ZSCAN26: variants seen among roughly 807,000 people sequenced by gnomAD.
ZSCAN26 encodes the protein zinc finger and SCAN domain containing 26.
Under a neutral mutation model 23.0 loss-of-function variants are expected in ZSCAN26, and 26 were observed. The ratio of observed to expected loss-of-function variants is 1.13; its 90% confidence interval spans 0.83 to 1.57. ZSCAN26 has a LOEUF of 1.57. Among genes scored for constraint, ZSCAN26 ranks in the 40% most tolerant of loss-of-function variants. The probability of loss-of-function intolerance (pLI) is 0.00; values close to 1 mark genes in which losing one functional copy is unlikely to be tolerated. For missense variants in ZSCAN26, 528 were observed against 568.5 expected (o/e 0.93, Z 0.72); for synonymous variants, 180 against 202.5 (o/e 0.89, Z 0.94).
Position 28,277,127 on chromosome 6 carries a change from G to A in ZSCAN26, c.*31G>A. On this transcript the variant is annotated 3_prime_UTR_variant, in exon 4 of 4. Transcript: ENST00000421553. The stretch of plus-strand genomic sequence containing the variant: ...TGTTCTCTCCTTGTAGAACATCAGA[G>A]AAGGCACATTGACTAGCAAACAGCA... The A allele has an allele frequency of 6.3e-7, 1 of 1,586,166 alleles. No individual in the cohort carries two copies. The highest frequency in any genetic ancestry group is 8.6e-7 in the Non-Finnish European group (1 of 1,168,530).
At chr6:28,271,211 A>G (rs1435948186) in intron 1 of ZSCAN26, among the ~76,000 whole-genome samples, 2 of 151,934 alleles carry the variant, frequency 1.3e-5, no homozygotes, top group African/African-American at 2.4e-5. Context: ...TGTTTCTTAC[A>G]TGTAGATGTT....
chr6:28,276,715 C>T lies in ZSCAN26; in HGVS notation c.1059C>T (p.His353=). Residue 353 remains histidine (H), a synonymous_variant, in exon 4 of 4, where the codon CAC becomes CAT. Coordinates refer to ENST00000421553, the MANE Select transcript of ZSCAN26 (RefSeq NM_001023560.4). ...HCGKNFRRSS[H]LNRHQRIHSQ... ...GAAAAAATTTTAGGCGCAGCTCTCACCTTAATCGACATCAGAGAATTCACA... is the reference window on the plus strand; with the variant it reads ...GAAAAAATTTTAGGCGCAGCTCTCATCTTAATCGACATCAGAGAATTCACA... The T allele has an allele frequency of 6.2e-7, 1 of 1,613,386 alleles. No individual in the cohort carries two copies. The highest frequency in any genetic ancestry group is 1.1e-5 in the South Asian group (1 of 90,932).
intron 3 of ZSCAN26, among the ~76,000 whole-genome samples, chr6:28,273,259 G>A (rs781350696): frequency 1.1e-4 from 17 of 152,188 alleles, no homozygotes; most frequent in South Asian, 6.2e-4. Context: ...AAAGCAAATA[G>A]TGGCCAGGCA....
intron 3 of ZSCAN26, among the ~76,000 whole-genome samples, chr6:28,273,795 A>G (rs1321018811): frequency 2.0e-5 from 3 of 151,290 alleles, no homozygotes; most frequent in Admixed American, 6.6e-5. Context: ...ATAGCTCACT[A>G]CAGCCTTGAC....
Position 28,276,792 on chromosome 6 carries a change from C to G in ZSCAN26, c.1136C>G (p.Ala379Gly), listed in dbSNP as rs1040705439. 3.7e-6 allele frequency: 6 copies of G among 1,613,812 alleles called. No individual in the cohort carries two copies. The highest frequency in any genetic ancestry group is 1.3e-5 in the African/African-American group (1 of 74,888). Residue 379 changes from alanine (A) to glycine (G), a missense_variant, in exon 4 of 4, where the codon GCC becomes GGC. Coordinates refer to ENST00000421553, the MANE Select transcript of ZSCAN26 (RefSeq NM_001023560.4). ...GAGTGTGGAAAAACCTTTAGTCAGG[C>G]CTTACTCCTCACCCACCATCAGAGA... is the stretch of plus-strand genomic sequence containing the variant. Reference protein sequence around the residue: ...CKECGKTFSQALLLTHHQRIH... With the variant: ...CKECGKTFSQGLLLTHHQRIH...
In ZSCAN26 at chr6:28,277,173, GC is replaced by G; in HGVS notation, c.*80del. 1.4e-6 allele frequency: 2 copies of G among 1,443,904 alleles called. No individual in the cohort carries two copies. The highest frequency in any genetic ancestry group is 1.9e-6 in the Non-Finnish European group (2 of 1,076,194). 89.4% of individuals were successfully genotyped at this position (1,443,904 alleles called of 1,614,324 possible). The stretch of plus-strand genomic sequence containing the variant: ...CAGCACTTTAGGAAAAGTCACCGTA[GC>G]CCACTGTGGCATCAGAAAATTCTTG... On this transcript the variant is annotated 3_prime_UTR_variant, in exon 4 of 4. Transcript: ENST00000421553.
At chr6:28,275,726 CCTTA>C (rs1347697480) in intron 3 of ZSCAN26, among the ~76,000 whole-genome samples, 1 of 152,162 alleles carries the variant, frequency 6.6e-6, no homozygotes, top group Non-Finnish European at 1.5e-5. Flanking sequence ...AGATGATTTA[CCTTA>C]CTTTTTTAAG....
intron 1 of ZSCAN26, among the ~76,000 whole-genome samples, chr6:28,271,382 C>T (rs1761676343): frequency 6.6e-6 from 1 of 151,542 alleles, no homozygotes; most frequent in Non-Finnish European, 1.5e-5. Flanking sequence ...TTCTTTCATT[C>T]TTTTTCTCTC....
At chr6:28,272,860 C>T in intron 3 of ZSCAN26, 73 bp downstream of exon 3, 2 of 1,279,114 alleles carry the variant, frequency 1.6e-6, no homozygotes, top group South Asian at 2.6e-5. Context: ...TTGTGCTTAG[C>T]ACCCTTGTAT....
At chr6:28,271,774 T>C (rs899700259) in intron 1 of ZSCAN26, 80 bp from the exon 2 acceptor site, 2 of 721,846 alleles carry the variant, frequency 2.8e-6, no homozygotes, top group African/African-American at 3.6e-5. Flanking sequence ...TAATAGGAAA[T>C]GTATAAACCC....
In ZSCAN26 at chr6:28,272,095, A is replaced by C. The variant is rs16893892; in HGVS notation, c.176A>C (p.Tyr59Ser). 2 of 1,585,258 alleles carry C rather than the reference A, an allele frequency of 1.3e-6. No individual in the cohort carries two copies. Among genetic ancestry groups the C allele is most frequent in the Non-Finnish European group, 1.7e-6 (2 of 1,165,338 alleles). ...TGCAAACAATTCAGGCAGTTGCGTT[A>C]TGAAGAGACCACAGGACCTCGAGAA... is the stretch of plus-strand genomic sequence containing the variant. ...PLCKQFRQLRYEETTGPREAL... is the reference protein window; with the variant it reads ...PLCKQFRQLRSEETTGPREAL... Residue 59 changes from tyrosine (Y) to serine (S), a missense_variant, in exon 2 of 4, where the codon TAT (tyrosine) becomes TCT (serine). Coordinates refer to ENST00000421553, the MANE Select transcript of ZSCAN26 (RefSeq NM_001023560.4).
At position 28,272,791 on chromosome 6, in the gene ZSCAN26, A is replaced by G. The variant is rs375249894; in HGVS notation, c.538+4A>G. On this transcript the variant is annotated splice_donor_region_variant and intron_variant, in intron 3 of 3. Transcript: ENST00000421553. The stretch of plus-strand genomic sequence containing the variant: ...ACAAAGCCTGAGAAAGAGAAGGGTA[A>G]GAATTGGATTGCATCTTCTGTGTGT... The G allele has an allele frequency of 5.9e-5, 95 of 1,609,882 alleles. No homozygotes were observed. Among genetic ancestry groups the G allele is most frequent in the East Asian group, 3.8e-4 (17 of 44,826 alleles).
Position 28,276,728 on chromosome 6 carries a change from C to G in ZSCAN26, c.1072C>G (p.Gln358Glu), listed in dbSNP as rs763210427. The G allele has an allele frequency of 6.2e-7, 1 of 1,613,648 alleles. No individual in the cohort carries two copies. The highest frequency in any genetic ancestry group is 8.5e-7 in the Non-Finnish European group (1 of 1,179,734). The change falls in exon 4 of 4, where the codon CAG becomes GAG. Residue 358 changes from glutamine to glutamate, a missense_variant. Physicochemically the swap from Gln to Glu is conservative, Grantham distance 29. Transcript: ENST00000421553. ...FRRSSHLNRH[Q>E]RIHSQEEPCE... The stretch of plus-strand genomic sequence containing the variant: ...GCGCAGCTCTCACCTTAATCGACAT[C>G]AGAGAATTCACAGTCAGGAGGAGCC...
Position 28,278,141 on chromosome 6 carries a change from A to T in ZSCAN26, c.*1045A>T, listed in dbSNP as rs371695088. 2.2e-4 allele frequency: 33 copies of T among 152,176 alleles called. No individual in the cohort carries two copies. The highest frequency in any genetic ancestry group is 7.7e-4 in the African/African-American group (32 of 41,422). The allele number at this position is 152,176 out of a possible 1,614,324, so 9.4% of individuals were successfully genotyped here. A position where few individuals can be genotyped will look rare whatever the true frequency, so the allele number is the denominator to read the frequency against. ...CTTCAGCCCTCAGCCTCTGCAATCCATATATATCCTGGTCTTGGGAGTCCA... is the reference window on the plus strand; with the variant it reads ...CTTCAGCCCTCAGCCTCTGCAATCCTTATATATCCTGGTCTTGGGAGTCCA... On this transcript the variant is annotated 3_prime_UTR_variant, in exon 4 of 4. Transcript: ENST00000421553.
chr6:28,276,521 G>A lies in ZSCAN26; in HGVS notation c.865G>A (p.Gly289Arg). The change falls in exon 4 of 4, where the codon GGG (glycine) becomes AGG (arginine). Residue 289 changes from glycine (G) to arginine (R), a missense_variant. Gly to Arg is a moderately radical substitution (Grantham distance 125). Coordinates refer to ENST00000421553, the MANE Select transcript of ZSCAN26 (RefSeq NM_001023560.4). ...GAAAGGTCATCAGTGTCATGAGTGT[G>A]GGAAAGCCTTTCAGAGGAGTTCACA... ...REKGHQCHEC[G>R]KAFQRSSHLV... 1.2e-6 allele frequency: 2 copies of A among 1,613,826 alleles called. No individual in the cohort carries two copies. The highest frequency in any genetic ancestry group is 1.7e-6 in the Non-Finnish European group (2 of 1,179,816).
At chr6:28,276,126 T>G in intron 3 of ZSCAN26, 69 bp from the exon 4 acceptor site, 1 of 1,421,630 alleles carries the variant, frequency 7.0e-7, no homozygotes, top group Non-Finnish European at 9.5e-7. Flanking sequence ...TTTTTTTCCT[T>G]TTAGTTGCAG....
intron 3 of ZSCAN26, among the ~76,000 whole-genome samples, chr6:28,273,621 A>G (rs72850302): frequency 0.035 from 5,318 of 150,856 alleles, 134 homozygotes; most frequent in Non-Finnish European, 0.053. Flanking sequence ...TTCATTACTC[A>G]TTTTTTAACA....
chr6:28,272,167 A>C lies in ZSCAN26; in HGVS notation c.248A>C (p.Glu83Ala), dbSNP rs755843745. ...RELCQQWLQP[E>A]THTKEQILEL... ...CTCTGTCAACAGTGGCTACAGCCCG[A>C]GACCCATACCAAGGAGCAGATCCTG... The change falls in exon 2 of 4, where the codon GAG becomes GCG. Residue 83 changes from glutamate to alanine, a missense_variant. Coordinates refer to ENST00000421553, the MANE Select transcript of ZSCAN26 (RefSeq NM_001023560.4). 1.2e-6 allele frequency: 2 copies of C among 1,613,742 alleles called. No individual in the cohort carries two copies. The highest frequency in any genetic ancestry group is 2.2e-5 in the South Asian group (2 of 91,012).
At chr6:28,267,723 G>GACAA (rs1761504619) in intron 1 of ZSCAN26, among the ~76,000 whole-genome samples, 1 of 152,142 alleles carries the variant, frequency 6.6e-6, no homozygotes, top group Non-Finnish European at 1.5e-5. Context: ...ACTGTATCGT[G>GACAA]TAAGGAATTT....
Sources: allele counts gnomAD v4.1 joint callset (sites outside exome capture counted in the v4.1 genomes callset), GRCh38; gene constraint gnomAD v4.1.1; transcripts MANE v1.5; gene names NCBI Gene and HGNC (gene_info 2026-07-23, HGNC 2026-07-21).